The following CCDC60 variants were observed in gnomAD, a reference collection of about 807,000 sequenced individuals.
The protein encoded by CCDC60 is coiled-coil domain-containing protein 60.
A neutral mutation model predicts 63.5 loss-of-function variants in CCDC60; 54 were observed. The observed-to-expected ratio is 0.85, with a 90% confidence interval of 0.68 to 1.07. The LOEUF (loss-of-function observed/expected upper bound fraction) is 1.07, where lower values mean the gene tolerates loss of function less well. Ranked by LOEUF, CCDC60 falls within the 50% of genes least tolerant of loss-of-function variation. CCDC60 has a pLI of 0.00. For synonymous variants in CCDC60, 206 were observed against 238.8 expected (o/e 0.86, Z 1.27); for missense variants, 651 against 684.3 (o/e 0.95, Z 0.54).
intron 5 of CCDC60, among the ~76,000 whole-genome samples, chr12:119,490,350 C>T (rs2136381079): frequency 6.6e-6 from 1 of 152,194 alleles, no homozygotes; most frequent in South Asian, 2.1e-4. Flanking sequence ...CAGCAGACCT[C>T]ATTTTTTTTT....
At chr12:119,468,273 T>A (rs866123412) in intron 2 of CCDC60, among the ~76,000 whole-genome samples, 1 of 151,962 alleles carries the variant, frequency 6.6e-6, no homozygotes. Context: ...GCCTGGGCGA[T>A]AGAGCAAGAC....
chr12:119,428,011 A>T (rs1956930301), intron 1 of CCDC60, among the ~76,000 whole-genome samples: 1 of 152,108 alleles, frequency 6.6e-6, no homozygotes. Flanking sequence ...TAATATAGTT[A>T]ATTTATCTCT....
intron 1 of CCDC60, chr12:119,388,133 G>C (rs189001791): frequency 9.2e-5 from 14 of 152,320 alleles, no homozygotes; most frequent in Admixed American, 6.5e-4. Flanking sequence ...TTCTCTCAGA[G>C]AGTTGGGAAT....
chr12:119,501,832 G>A (rs897981180), intron 6 of CCDC60, among the ~76,000 whole-genome samples: 2 of 152,166 alleles, frequency 1.3e-5, no homozygotes, highest in Middle Eastern at 3.2e-3. Context: ...CAAATCCTGG[G>A]CTGCAGCACG....
intron 1 of CCDC60, among the ~76,000 whole-genome samples, chr12:119,404,574 A>C (rs1956452407): frequency 6.6e-6 from 1 of 152,172 alleles, no homozygotes; most frequent in Non-Finnish European, 1.5e-5. Context: ...AGTGAGGATG[A>C]TTTATTGACA....
Position 119,540,867 on chromosome 12 carries a change from AGCAACATTTTTAGAGGGGGATG to A in CCDC60, c.*155_*176del, listed in dbSNP as rs1953143888. Reference sequence around the variant, plus strand: ...TAGGGTCATCTGGAGACTGACTTCCAGCAACATTTTTAGAGGGGGATGGCCCCGGTGGCCCTCCCCTCAATTC... The same window carrying A: ...TAGGGTCATCTGGAGACTGACTTCCAGCCCCGGTGGCCCTCCCCTCAATTC... On this transcript the variant is annotated 3_prime_UTR_variant, in exon 14 of 14. Transcript: ENST00000327554. 1.7e-6 allele frequency: 1 copy of A among 577,684 alleles called. No homozygotes were observed. 35.8% of individuals were successfully genotyped at this position (577,684 alleles called of 1,614,324 possible).
intron 1 of CCDC60, among the ~76,000 whole-genome samples, chr12:119,407,349 A>T (rs1315738344): frequency 6.8e-6 from 1 of 147,682 alleles, no homozygotes; most frequent in Non-Finnish European, 1.5e-5. Context: ...TCTACAAAAA[A>T]AAAGAAAAGA....
At chr12:119,387,074 A>ACACACACACACT (rs1565979875) in intron 1 of CCDC60, among the ~76,000 whole-genome samples, 2 of 142,304 alleles carry the variant, frequency 1.4e-5, no homozygotes, top group Admixed American at 1.4e-4. Flanking sequence ...ACACACACAC[A>ACACACACACACT]CTCTCCAATT....
At chr12:119,515,469 C>T (rs1952330476) in intron 7 of CCDC60, among the ~76,000 whole-genome samples, 1 of 152,004 alleles carries the variant, frequency 6.6e-6, no homozygotes. Context: ...TACAAGTTTA[C>T]CCCACCATGC....
intron 7 of CCDC60, among the ~76,000 whole-genome samples, chr12:119,509,384 C>G (rs1952146753): frequency 6.6e-6 from 1 of 152,146 alleles, no homozygotes; most frequent in Non-Finnish European, 1.5e-5. Flanking sequence ...ACAGGAGGAC[C>G]ACTTGAGGCC....
chr12:119,540,894 C>T lies in CCDC60; in HGVS notation c.*179C>T, dbSNP rs1953144854. ...CAACATTTTTAGAGGGGGATGGCCC[C>T]GGTGGCCCTCCCCTCAATTCCACAC... On this transcript the variant is annotated 3_prime_UTR_variant, in exon 14 of 14. Transcript: ENST00000327554. The T allele has an allele frequency of 9.1e-6, 5 of 550,208 alleles. No homozygotes were observed. The highest frequency in any genetic ancestry group is 9.5e-4 in the Middle Eastern group (2 of 2,112). 34.1% of individuals were successfully genotyped at this position (550,208 alleles called of 1,614,324 possible).
chr12:119,366,906 C>G (rs1049245350), intron 1 of CCDC60, among the ~76,000 whole-genome samples: 1 of 152,170 alleles, frequency 6.6e-6, no homozygotes, highest in Non-Finnish European at 1.5e-5. Context: ...AGTCTCGGCT[C>G]ACTGCAACTT....
chr12:119,401,698 A>G (rs1211532203), intron 1 of CCDC60, among the ~76,000 whole-genome samples: 1 of 152,262 alleles, frequency 6.6e-6, no homozygotes, highest in Non-Finnish European at 1.5e-5. Flanking sequence ...AACCAATTCA[A>G]GATATCCTCA....
intron 1 of CCDC60, among the ~76,000 whole-genome samples, chr12:119,375,439 C>T (rs1368545918): frequency 6.6e-6 from 1 of 152,162 alleles, no homozygotes; most frequent in African/African-American, 2.4e-5. Context: ...GCTAGTACAC[C>T]ATTGCTTTCT....
intron 11 of CCDC60, among the ~76,000 whole-genome samples, chr12:119,526,521 A>G (rs1174374441): frequency 3.3e-5 from 5 of 152,234 alleles, no homozygotes; most frequent in Non-Finnish European, 4.4e-5. Flanking sequence ...GCATCTGACA[A>G]AGGTCTAATA....
At chr12:119,522,143 AG>A (rs1952545975) in intron 9 of CCDC60, among the ~76,000 whole-genome samples, 1 of 152,242 alleles carries the variant, frequency 6.6e-6, no homozygotes, top group African/African-American at 2.4e-5. Flanking sequence ...TCAGAGCCAC[AG>A]ATAAAGTGGT....
intron 13 of CCDC60, among the ~76,000 whole-genome samples, chr12:119,532,714 A>G (rs1952887823): frequency 6.6e-6 from 1 of 152,130 alleles, no homozygotes; most frequent in Admixed American, 6.6e-5. Flanking sequence ...GATGATTTCC[A>G]GCTTCATCTA....
At chr12:119,407,647 G>A (rs968786674) in intron 1 of CCDC60, among the ~76,000 whole-genome samples, 6 of 152,192 alleles carry the variant, frequency 3.9e-5, no homozygotes, top group African/African-American at 4.8e-5. Flanking sequence ...CCTTGGAAAC[G>A]ACCCAGTAGT....
intron 1 of CCDC60, among the ~76,000 whole-genome samples, chr12:119,381,199 T>G (rs747248989): frequency 5.5e-4 from 84 of 152,164 alleles, no homozygotes; most frequent in Non-Finnish European, 1.1e-3. Flanking sequence ...AGCACCATAT[T>G]TAAATTAAGT....
Sources: allele counts gnomAD v4.1 joint callset (sites outside exome capture counted in the v4.1 genomes callset), GRCh38; gene constraint gnomAD v4.1.1; transcripts MANE v1.5; gene names NCBI Gene and HGNC (gene_info 2026-07-23, HGNC 2026-07-21).